UBN2: variants seen among roughly 807,000 people sequenced by gnomAD.
UBN2 encodes the protein ubinuclein 2.
Under a neutral mutation model 120.2 loss-of-function variants are expected in UBN2, and 35 were observed. The ratio of observed to expected loss-of-function variants is 0.29; its 90% CI spans 0.22 to 0.39. UBN2 has a LOEUF of 0.39. Among genes scored for constraint, UBN2 ranks in the 10% least tolerant of loss-of-function variants. The pLI is 1.00. For missense variants in UBN2, 1,693 were observed against 1,663.2 expected (o/e 1.02, Z -0.31); for synonymous variants, 661 against 648.7 (o/e 1.02, Z -0.29).
intron 17 of UBN2, among the ~76,000 whole-genome samples, chr7:139,294,893 C>G (rs1798066557): frequency 6.6e-6 from 1 of 152,200 alleles, no homozygotes; most frequent in African/African-American, 2.4e-5. Context: ...TTGTAGGCAG[C>G]CAGATCGCTC....
intron 17 of UBN2, among the ~76,000 whole-genome samples, chr7:139,294,491 C>T (rs551433872): frequency 6.6e-6 from 1 of 152,332 alleles, no homozygotes; most frequent in East Asian, 1.9e-4. Context: ...GGAAGTCTGA[C>T]TCCATGGCCT....
In UBN2 at chr7:139,307,882, T is replaced by C. The variant is rs1798389942; in HGVS notation, c.*10046T>C. 1 of 152,156 alleles carries C rather than the reference T, an allele frequency of 6.6e-6. No individual in the cohort carries two copies. The highest frequency in any genetic ancestry group is 2.4e-5 in the African/African-American group (1 of 41,446). The allele number at this position is 152,156 out of a possible 1,614,324, so 9.4% of individuals were successfully genotyped here. Reference sequence around the variant, plus strand: ...AGAAAAAAGAAGGGCAGGTAAATTTTTTTAACCAAAAAAAAATCACACATT... The same window carrying C: ...AGAAAAAAGAAGGGCAGGTAAATTTCTTTAACCAAAAAAAAATCACACATT... On this transcript the variant is annotated 3_prime_UTR_variant, in exon 18 of 18. Transcript: ENST00000473989.
intron 9 of UBN2, 85 bp downstream of exon 9, chr7:139,272,525 T>C: frequency 1.2e-6 from 1 of 852,584 alleles, no homozygotes; most frequent in Non-Finnish European, 1.8e-6. Flanking sequence ...TATGTATGTA[T>C]GTATGTATGT....
intron 2 of UBN2, among the ~76,000 whole-genome samples, chr7:139,242,002 C>CT (rs1278894122): frequency 6.6e-6 from 1 of 151,836 alleles, no homozygotes; most frequent in Admixed American, 6.6e-5. Flanking sequence ...CAGCTCCCCC[C>CT]CCCAAAAAAA....
At chr7:139,318,748 A>G in the UBN2 span, among the ~76,000 whole-genome samples, 1 of 152,158 alleles carries the variant, frequency 6.6e-6, no homozygotes, top group Admixed American at 6.5e-5. Context: ...TGCTTCTGCC[A>G]GGTTCCTAGG....
intron 15 of UBN2, among the ~76,000 whole-genome samples, chr7:139,290,586 A>G (rs1797924829): frequency 6.6e-6 from 1 of 152,232 alleles, no homozygotes; most frequent in South Asian, 2.1e-4. Flanking sequence ...AACCCATTGG[A>G]GAAGATGATT....
At chr7:139,270,816 C>G (rs1173100003) in intron 8 of UBN2, among the ~76,000 whole-genome samples, 3 of 152,108 alleles carry the variant, frequency 2.0e-5, no homozygotes, top group Non-Finnish European at 4.4e-5. Flanking sequence ...ACGATCTCGG[C>G]TCACCACAAC....
chr7:139,294,591 A>T (rs184039431), intron 17 of UBN2, among the ~76,000 whole-genome samples: 13 of 152,354 alleles, frequency 8.5e-5, no homozygotes, highest in African/African-American at 3.1e-4. Context: ...CTGTAATCCC[A>T]GCACTTTGGG....
At position 139,261,474 on chromosome 7, in the gene UBN2, C is replaced by T. The variant is rs775212580; in HGVS notation, c.1128C>T (p.Ser376=). The part of the protein sequence containing the change: ...GNDVPDLNLS[S]GDPDLPIFVS... ...ACGTCCCGGACTTAAATCTGAGCAG[C>T]GGTGATCCAGACCTTCCCATTTTTG... Residue 376 remains serine (S), a synonymous_variant, in exon 6 of 18, where the codon AGC becomes AGT. Coordinates refer to ENST00000473989, the MANE Select transcript of UBN2 (RefSeq NM_173569.4). 16 of 1,614,196 alleles carry T rather than the reference C, an allele frequency of 9.9e-6. No homozygotes were observed. Among genetic ancestry groups the T allele is most frequent in the African/African-American group, 4.0e-5 (3 of 75,036 alleles).
the UBN2 span, among the ~76,000 whole-genome samples, chr7:139,317,512 C>T: frequency 4.6e-5 from 7 of 152,032 alleles, no homozygotes; most frequent in South Asian, 4.2e-4. Context: ...TTCTGAAACT[C>T]GTATTAGGCA....
rs115984628 is a variant in UBN2, at chr7:139,288,373, A to G, written c.3669+3799A>G. Among the ~76,000 whole-genome samples the G allele has an allele frequency of 7.7e-3, 1,170 of 152,330 alleles. 19 individuals carry two copies. Among genetic ancestry groups the G allele is most frequent in the African/African-American group, 0.025 (1,051 of 41,580 alleles). ...AGAATTGAATGAGCAGAAGCCAGCC[A>G]TGTGTAGAGAAGAGGGGGAAAATAG... On this transcript the variant is annotated intron_variant, in intron 15 of 17. Transcript: ENST00000473989.
chr7:139,241,957 C>T (rs757670047), intron 2 of UBN2, among the ~76,000 whole-genome samples: 3 of 152,086 alleles, frequency 2.0e-5, no homozygotes, highest in Non-Finnish European at 2.9e-5. Flanking sequence ...GAAATCACGC[C>T]GTTGTACTCC....
chr7:139,264,771 G>T (rs1797047127), intron 6 of UBN2, among the ~76,000 whole-genome samples: 1 of 152,092 alleles, frequency 6.6e-6, no homozygotes, highest in African/African-American at 2.4e-5. Flanking sequence ...TGTATTTTTA[G>T]TAGAGACGGG....
intron 2 of UBN2, among the ~76,000 whole-genome samples, chr7:139,237,790 C>G (rs1479233654): frequency 6.6e-6 from 1 of 152,112 alleles, no homozygotes; most frequent in African/African-American, 2.4e-5. Context: ...ATCGAGAATG[C>G]TATTTTAATT....
Position 139,273,857 on chromosome 7 carries a change from CATA to C in UBN2, c.1830-71_1830-69del, listed in dbSNP as rs1797362351. On this transcript the variant is annotated intron_variant, in intron 10 of 17. Transcript: ENST00000473989. Reference sequence around the variant, plus strand: ...TGTTTGTTATTTTCTGAATTTTTCACATAATCTGTATTATTGCTGCCAAATGTA... The same window carrying C: ...TGTTTGTTATTTTCTGAATTTTTCACATCTGTATTATTGCTGCCAAATGTA... The C allele has an allele frequency of 1.5e-5, 20 of 1,293,036 alleles. No individual in the cohort carries two copies. The South Asian group carries it at 3.0e-4, about 19-fold the overall frequency. The allele number at this position is 1,293,036 out of a possible 1,614,324, so 80.1% of individuals were successfully genotyped here.
chr7:139,273,411 G>T lies in UBN2; in HGVS notation c.1829+1G>T. 6.4e-7 allele frequency: 1 copy of T among 1,561,288 alleles called. No individual in the cohort carries two copies. The highest frequency in any genetic ancestry group is 8.7e-7 in the Non-Finnish European group (1 of 1,151,310). On this transcript the variant is annotated splice_donor_variant, in intron 10 of 17. Coordinates refer to ENST00000473989, the MANE Select transcript of UBN2 (RefSeq NM_173569.4). LOFTEE classifies it high-confidence loss of function. ...AATTCCACTGGGATGACACTATCAG[G>T]TAAGATTTAATTAGTTTTCACTTTT...
At chr7:139,296,513 C>T (rs1325362675) in intron 17 of UBN2, among the ~76,000 whole-genome samples, 1 of 152,138 alleles carries the variant, frequency 6.6e-6, no homozygotes, top group Non-Finnish European at 1.5e-5. Flanking sequence ...TGCTGTCAGG[C>T]ATGGGTTGTC....
the UBN2 span, among the ~76,000 whole-genome samples, chr7:139,322,028 C>G: frequency 6.6e-6 from 1 of 151,956 alleles, no homozygotes; most frequent in Non-Finnish European, 1.5e-5. Flanking sequence ...GGCTGGAGTG[C>G]AGTGGCACAA....
In UBN2 at chr7:139,272,123, CTG is replaced by C. The variant is rs372896878; in HGVS notation, c.1597-198_1597-197del. 1.1e-3 allele frequency among the ~76,000 whole-genome samples: 166 copies of C among 152,236 alleles called. 1 individual carries two copies. In the East Asian group the frequency reaches 0.022, roughly 20 times the overall value. ...AAAAACTGGAACTCTTCTTGGCTAACTGGAATATGTCATTCTAATTTTGTATC... is the reference window on the plus strand; with the variant it reads ...AAAAACTGGAACTCTTCTTGGCTAACGAATATGTCATTCTAATTTTGTATC... On this transcript the variant is annotated intron_variant, in intron 8 of 17. Coordinates refer to ENST00000473989, the MANE Select transcript of UBN2 (RefSeq NM_173569.4).
Sources: gnomAD v4.1 joint callset for allele counts (sites outside exome capture counted in the v4.1 genomes callset) on GRCh38, gnomAD v4.1.1 for gene constraint, MANE v1.5 for transcripts, NCBI Gene and HGNC (gene_info 2026-07-23, HGNC 2026-07-21) for gene names.